The following CTNNBL1 variants were observed in gnomAD, a reference collection of about 807,000 sequenced individuals.
The protein encoded by CTNNBL1 is beta-catenin-like protein 1.
Under a neutral mutation model 72.7 loss-of-function variants are expected in CTNNBL1, and 31 were observed. The ratio of observed to expected loss-of-function variants is 0.43; its 90% confidence interval spans 0.32 to 0.58. CTNNBL1 has a LOEUF of 0.58. Among genes scored for constraint, CTNNBL1 ranks in the 20% least tolerant of loss-of-function variants. The pLI, the probability that CTNNBL1 is intolerant of heterozygous loss-of-function variation, is 0.08. For missense variants in CTNNBL1, 534 were observed against 725.1 expected (o/e 0.74, Z 3.03); for synonymous variants, 240 against 267.3 (o/e 0.90, Z 1.00).
At chr20:37,858,842 C>T (rs2072465227) in intron 13 of CTNNBL1, among the ~76,000 whole-genome samples, 1 of 152,008 alleles carries the variant, frequency 6.6e-6, no homozygotes, top group Admixed American at 6.6e-5. Context: ...GGGCTTTGGC[C>T]TGGGGAGTGT....
intron 1 of CTNNBL1, among the ~76,000 whole-genome samples, chr20:37,721,675 C>G (rs2073041380): frequency 6.6e-6 from 1 of 152,248 alleles, no homozygotes; most frequent in African/African-American, 2.4e-5. Context: ...TCCAGTTTCT[C>G]TCTTAACCTC....
At chr20:37,869,155 A>G (rs1021440867) in intron 15 of CTNNBL1, among the ~76,000 whole-genome samples, 1 of 152,196 alleles carries the variant, frequency 6.6e-6, no homozygotes, top group Non-Finnish European at 1.5e-5. Context: ...CTGGGGGTAG[A>G]CACACAGCTG....
chr20:37,745,814 C>T (rs538600130), intron 3 of CTNNBL1, among the ~76,000 whole-genome samples: 3 of 152,208 alleles, frequency 2.0e-5, no homozygotes, highest in African/African-American at 7.2e-5. Flanking sequence ...GGAGGGCATG[C>T]AGCGTGAATG....
intron 1 of CTNNBL1, among the ~76,000 whole-genome samples, chr20:37,710,424 C>T (rs533172826): frequency 3.9e-5 from 6 of 152,316 alleles, no homozygotes; most frequent in Middle Eastern, 3.4e-3. Context: ...ATGAAGCATT[C>T]GTATTCTTGG....
chr20:37,856,829 G>A (rs576056075), intron 13 of CTNNBL1, among the ~76,000 whole-genome samples: 9 of 152,140 alleles, frequency 5.9e-5, no homozygotes, highest in South Asian at 2.1e-4. Context: ...GACTTCCACC[G>A]ACCTCTTCAG....
chr20:37,852,652 CA>C (rs1838570354), intron 13 of CTNNBL1, among the ~76,000 whole-genome samples: 1 of 152,174 alleles, frequency 6.6e-6, no homozygotes, highest in African/African-American at 2.4e-5. Flanking sequence ...ATCAGGGAAA[CA>C]GGGGTGAGGC....
intron 14 of CTNNBL1, 78 bp from the exon 15 acceptor site, chr20:37,860,194 T>C (rs1421479267): frequency 4.7e-6 from 7 of 1,479,690 alleles, no homozygotes; most frequent in African/African-American, 4.2e-5. Flanking sequence ...GTGAAGTATA[T>C]CATTTCAAGG....
At chr20:37,859,605 GT>G (rs35433241) in intron 13 of CTNNBL1, among the ~76,000 whole-genome samples, 110,361 of 147,016 alleles carry the variant, frequency 0.75, 41,142 homozygotes, top group East Asian at 0.85. Flanking sequence ...CCGTCAGCTT[GT>G]TTTTTTTTTT....
At chr20:37,788,587 A>C (rs1017920509) in intron 10 of CTNNBL1, among the ~76,000 whole-genome samples, 2 of 152,180 alleles carry the variant, frequency 1.3e-5, no homozygotes, top group Non-Finnish European at 2.9e-5. Context: ...CTAGGAGTCC[A>C]CTCGAGTCCT....
Position 37,732,864 on chromosome 20 carries a change from T to C in CTNNBL1, c.31-15T>C. 6.2e-7 allele frequency: 1 copy of C among 1,610,716 alleles called. No individual in the cohort carries two copies. Among genetic ancestry groups the C allele is most frequent in the Non-Finnish European group, 8.5e-7 (1 of 1,178,704 alleles). ...TTGTATCCAGCTCTAAAATCTTATGTTTCTTTTCTCTCAGCCCAATAGGGG... is the reference window on the plus strand; with the variant it reads ...TTGTATCCAGCTCTAAAATCTTATGCTTCTTTTCTCTCAGCCCAATAGGGG... On this transcript the variant is annotated splice_polypyrimidine_tract_variant and intron_variant, in intron 1 of 15. Coordinates refer to ENST00000361383, the MANE Select transcript of CTNNBL1 (RefSeq NM_030877.5).
At chr20:37,801,969 T>G (rs2073827252) in intron 10 of CTNNBL1, among the ~76,000 whole-genome samples, 1 of 152,220 alleles carries the variant, frequency 6.6e-6, no homozygotes, top group African/African-American at 2.4e-5. Context: ...ACTAAAAGAT[T>G]ATTAGAACTA....
intron 7 of CTNNBL1, among the ~76,000 whole-genome samples, chr20:37,771,692 T>A (rs1212002238): frequency 6.6e-6 from 1 of 152,140 alleles, no homozygotes; most frequent in East Asian, 1.9e-4. Flanking sequence ...CCATTCGTAT[T>A]TCTAAATTTT....
chr20:37,842,689 T>C (rs1248515368), intron 13 of CTNNBL1, among the ~76,000 whole-genome samples: 1 of 152,174 alleles, frequency 6.6e-6, no homozygotes, highest in Non-Finnish European at 1.5e-5. Context: ...GAGCTTCTCT[T>C]CGAAAATCTG....
At chr20:37,835,405 C>T (rs1466109929) in intron 11 of CTNNBL1, among the ~76,000 whole-genome samples, 1 of 152,114 alleles carries the variant, frequency 6.6e-6, no homozygotes, top group East Asian at 1.9e-4. Flanking sequence ...TAACCTCATT[C>T]GTAACAAGAA....
At chr20:37,866,195 A>G (rs140908374) in intron 15 of CTNNBL1, among the ~76,000 whole-genome samples, 1 of 152,368 alleles carries the variant, frequency 6.6e-6, no homozygotes, top group East Asian at 1.9e-4. Flanking sequence ...GGACACCTCA[A>G]GAGCTTTTCA....
At chr20:37,820,106 AC>A (rs1299259023) in intron 11 of CTNNBL1, among the ~76,000 whole-genome samples, 1 of 151,578 alleles carries the variant, frequency 6.6e-6, no homozygotes, top group Non-Finnish European at 1.5e-5. Flanking sequence ...TGAACTCTTG[AC>A]CTCAGGTGAT....
At chr20:37,786,474 T>A (rs1213525569) in intron 10 of CTNNBL1, among the ~76,000 whole-genome samples, 2 of 152,170 alleles carry the variant, frequency 1.3e-5, no homozygotes, top group Non-Finnish European at 2.9e-5. Flanking sequence ...CCAATTGGAT[T>A]TGTTTTTTTT....
intron 11 of CTNNBL1, among the ~76,000 whole-genome samples, chr20:37,835,246 G>T (rs188703888): frequency 9.3e-4 from 141 of 152,170 alleles, no homozygotes; most frequent in African/African-American, 3.3e-3. Flanking sequence ...GGCTTTCCTG[G>T]GCCTTCAACC....
intron 2 of CTNNBL1, 21 bp downstream of exon 2, chr20:37,733,088 G>T (rs1361311088): frequency 1.2e-6 from 2 of 1,608,134 alleles, no homozygotes; most frequent in Non-Finnish European, 1.7e-6. Flanking sequence ...AGCGCTGGGT[G>T]GGAGCTGAGA....
Sources: allele counts gnomAD v4.1 joint callset (sites outside exome capture counted in the v4.1 genomes callset), GRCh38; gene constraint gnomAD v4.1.1; transcripts MANE v1.5; gene names NCBI Gene and HGNC (gene_info 2026-07-23, HGNC 2026-07-21).